Variants in LHX1 observed in about 807,000 individuals in gnomAD.
The protein encoded by LHX1 is LIM/homeobox protein Lhx1.
Under a neutral mutation model 34.1 loss-of-function variants are expected in LHX1, and 9 were observed. The ratio of observed to expected loss-of-function variants is 0.26; its 90% CI spans 0.16 to 0.46. The LOEUF (loss-of-function observed/expected upper bound fraction) is 0.46, where lower values mean the gene tolerates loss of function less well. Ranked by LOEUF, LHX1 falls within the 20% of genes least tolerant of loss-of-function variation. LHX1 has a pLI of 1.00. For missense variants in LHX1, 446 were observed against 559.1 expected (o/e 0.80, Z 2.04); for synonymous variants, 254 against 241.5 (o/e 1.05, Z -0.48).
In LHX1 at chr17:36,943,195, T is replaced by TA; in HGVS notation, c.*65dup. The TA allele has an allele frequency of 1.2e-5, 14 of 1,139,936 alleles. No individual in the cohort carries two copies. Among genetic ancestry groups the TA allele is most frequent in the South Asian group, 5.7e-5 (3 of 52,420 alleles). 70.6% of individuals were successfully genotyped at this position (1,139,936 alleles called of 1,614,324 possible). A position where few individuals can be genotyped will look rare whatever the true frequency, so the allele number is the denominator to read the frequency against. On this transcript the variant is annotated 3_prime_UTR_variant, in exon 5 of 5. Coordinates refer to ENST00000614239, the MANE Select transcript of LHX1 (RefSeq NM_005568.5). ...GAAATGAACCTTTATTTAAGAAAAA[T>TA]AGAAAAAAAAAAACATAAAAAGCAA...
At position 36,942,867 on chromosome 17, in the gene LHX1, G is replaced by C. The variant is rs757317186; in HGVS notation, c.957G>C (p.Pro319=). The change falls in exon 5 of 5, where the codon CCG becomes CCC. Residue 319 remains proline (P), a synonymous_variant. Coordinates refer to ENST00000614239, the MANE Select transcript of LHX1 (RefSeq NM_005568.5). The stretch of plus-strand genomic sequence containing the variant: ...TACCCTTCGTGCCGTCATCTGGGCC[G>C]TCCGGGACGCCCCTGGGTGGCCTGG... ...VDLPFVPSSG[P]SGTPLGGLEH... 2 of 1,592,506 alleles carry C rather than the reference G, an allele frequency of 1.3e-6. No homozygotes were observed. The highest frequency in any genetic ancestry group is 1.7e-5 in the Admixed American group (1 of 57,526).
intron 1 of LHX1, among the ~76,000 whole-genome samples, chr17:36,939,509 G>T (rs2070750409): frequency 6.6e-6 from 1 of 152,214 alleles, no homozygotes; most frequent in Non-Finnish European, 1.5e-5. Context: ...GGTATTTCGG[G>T]AGAACGCGCA....
At chr17:36,942,390 C>T in intron 4 of LHX1, 25 bp downstream of exon 4, 1 of 1,564,764 alleles carries the variant, frequency 6.4e-7, no homozygotes, top group Non-Finnish European at 8.7e-7. Flanking sequence ...AATGGCGGGG[C>T]GCGGCCAGGT....
rs2070770447 is a variant in LHX1, at chr17:36,942,299, C to A, written c.775C>A (p.Arg259=). The A allele has an allele frequency of 1.3e-6, 2 of 1,593,614 alleles. No homozygotes were observed. The highest frequency in any genetic ancestry group is 1.7e-6 in the Non-Finnish European group (2 of 1,171,724). Residue 259 remains arginine, a synonymous_variant, in exon 4 of 5, where the codon CGG becomes AGG. Coordinates refer to ENST00000614239, the MANE Select transcript of LHX1 (RefSeq NM_005568.5). ...CTTCTTCCGCAGTCCGCGCCGGATG[C>A]GGCCGCTGGTGGACCGCCTGGAGCC... ...HAFFRSPRRM[R]PLVDRLEPGE...
Position 36,937,876 on chromosome 17 carries a change from G to A in LHX1, c.-322G>A, listed in dbSNP as rs932509230. On this transcript the variant is annotated 5_prime_UTR_variant, in exon 1 of 5. Transcript: ENST00000614239. Reference sequence around the variant, plus strand: ...TTCTCGCTGACCTTCACTCCTCCGCGGGCTCTGAGCAGAAGGGTCGCATTC... The same window carrying A: ...TTCTCGCTGACCTTCACTCCTCCGCAGGCTCTGAGCAGAAGGGTCGCATTC... 1.7e-6 allele frequency: 1 copy of A among 604,706 alleles called. No individual in the cohort carries two copies. The highest frequency in any genetic ancestry group is 1.5e-5 in the South Asian group (1 of 65,026). The allele number at this position is 604,706 out of a possible 1,614,324, so 37.5% of individuals were successfully genotyped here.
chr17:36,940,259 GCCCCC>G, intron 1 of LHX1, 26 bp from the exon 2 acceptor site: 6 of 288,510 alleles, frequency 2.1e-5, no homozygotes, highest in South Asian at 7.1e-5. Context: ...ACCCATCCCC[GCCCCC>G]GCCCCCCACC....
Position 36,943,195 on chromosome 17 carries a change from T to TATA in LHX1, c.*65_*66insTAA. The TATA allele has an allele frequency of 5.8e-5, 66 of 1,139,134 alleles. No homozygotes were observed. Among genetic ancestry groups the TATA allele is most frequent in the Non-Finnish European group, 7.2e-5 (64 of 883,826 alleles). The allele number at this position is 1,139,134 out of a possible 1,614,324, so 70.6% of individuals were successfully genotyped here. A position where few individuals can be genotyped will look rare whatever the true frequency, so the allele number is the denominator to read the frequency against. On this transcript the variant is annotated 3_prime_UTR_variant, in exon 5 of 5. Transcript: ENST00000614239. ...GAAATGAACCTTTATTTAAGAAAAA[T>TATA]AGAAAAAAAAAAACATAAAAAGCAA...
intron 1 of LHX1, among the ~76,000 whole-genome samples, chr17:36,939,043 TG>T (rs2070747926): frequency 6.6e-6 from 1 of 152,158 alleles, no homozygotes; most frequent in Admixed American, 6.5e-5. Flanking sequence ...CAGCCCCAGG[TG>T]ACTCCGACTC....
At chr17:36,937,170 T>C (rs2070731179), upstream of LHX1, 1 of 448,646 alleles carries the variant, frequency 2.2e-6, no homozygotes, top group African/African-American at 2.0e-5. Flanking sequence ...AGACAGAGCG[T>C]GGGCCGAGCG....
At position 36,942,610 on chromosome 17, in the gene LHX1, C is replaced by T. The variant is rs548348928; in HGVS notation, c.842-142C>T. On this transcript the variant is annotated intron_variant, in intron 4 of 4. Coordinates refer to ENST00000614239, the MANE Select transcript of LHX1 (RefSeq NM_005568.5). Reference sequence around the variant, plus strand: ...TTGCGCCCAGCCTCCTCCCTGCACCCAGGCCCGCGAGGGCTCCCCGCGATC... The same window carrying T: ...TTGCGCCCAGCCTCCTCCCTGCACCTAGGCCCGCGAGGGCTCCCCGCGATC... 5.1e-4 allele frequency: 534 copies of T among 1,038,258 alleles called. 1 individual carries two copies. The African/African-American group carries it at 6.5e-3, about 13-fold the overall frequency. The allele number at this position is 1,038,258 out of a possible 1,614,324, so 64.3% of individuals were successfully genotyped here. A position where few individuals can be genotyped will look rare whatever the true frequency, so the allele number is the denominator to read the frequency against.
intron 1 of LHX1, chr17:36,939,967 G>C (rs1436774067): frequency 1.9e-6 from 1 of 533,894 alleles, no homozygotes; most frequent in East Asian, 3.2e-5. Flanking sequence ...TTTAGACGAT[G>C]CATCTTTCCT....
At chr17:36,939,741 G>A (rs1220536167) in intron 1 of LHX1, among the ~76,000 whole-genome samples, 1 of 152,252 alleles carries the variant, frequency 6.6e-6, no homozygotes, top group East Asian at 1.9e-4. Context: ...AGGCTACGGA[G>A]GGGGGCTCTC....
Position 36,944,062 on chromosome 17 carries a change from G to T in LHX1, c.*931G>T, listed in dbSNP as rs1318033614. Reference sequence around the variant, plus strand: ...CTTGTTCGAAAACAAAATGTTTTGAGCAATCAACCAAAATTGTTCCTTTTC... The same window carrying T: ...CTTGTTCGAAAACAAAATGTTTTGATCAATCAACCAAAATTGTTCCTTTTC... On this transcript the variant is annotated 3_prime_UTR_variant, in exon 5 of 5. Transcript: ENST00000614239. 2 of 151,956 alleles carry T rather than the reference G, an allele frequency of 1.3e-5. No individual in the cohort carries two copies. The highest frequency in any genetic ancestry group is 4.8e-5 in the African/African-American group (2 of 41,388). 9.4% of individuals were successfully genotyped at this position (151,956 alleles called of 1,614,324 possible). A position where few individuals can be genotyped will look rare whatever the true frequency, so the allele number is the denominator to read the frequency against.
rs1219093122 is a variant in LHX1 at position 36,938,333 on chromosome 17, G to C, written c.136G>C (p.Glu46Gln). Reference protein sequence around the residue: ...CNLTEKCFSREGKLYCKNDFF... With the variant: ...CNLTEKCFSRQGKLYCKNDFF... Reference sequence around the variant, plus strand: ...CCTGACCGAGAAGTGCTTCTCCAGGGAAGGCAAACTCTACTGCAAGAACGA... The same window carrying C: ...CCTGACCGAGAAGTGCTTCTCCAGGCAAGGCAAACTCTACTGCAAGAACGA... The change falls in exon 1 of 5, where the codon GAA becomes CAA. Residue 46 changes from glutamate (E) to glutamine (Q), a missense_variant. Coordinates refer to ENST00000614239, the MANE Select transcript of LHX1 (RefSeq NM_005568.5). 6.2e-7 allele frequency: 1 copy of C among 1,614,224 alleles called. No homozygotes were observed. The highest frequency in any genetic ancestry group is 2.2e-5 in the East Asian group (1 of 44,882).
At chr17:36,939,281 A>C (rs1279694424) in intron 1 of LHX1, among the ~76,000 whole-genome samples, 1 of 152,242 alleles carries the variant, frequency 6.6e-6, no homozygotes, top group Non-Finnish European at 1.5e-5. Flanking sequence ...ACAAATGCGA[A>C]TTGTAATTCC....
upstream of LHX1, chr17:36,937,085 T>C (rs940670733): frequency 1.8e-5 from 6 of 332,566 alleles, no homozygotes; most frequent in Non-Finnish European, 3.6e-5. Context: ...AACCCAGATT[T>C]GCCACCACAA....
At position 36,943,152 on chromosome 17, in the gene LHX1, G is replaced by A. The variant is rs1010693543; in HGVS notation, c.*21G>A. 1.3e-5 allele frequency: 21 copies of A among 1,611,118 alleles called. No homozygotes were observed. The highest frequency in any genetic ancestry group is 1.6e-5 in the Non-Finnish European group (19 of 1,179,368). ...GGTAGCGGGGTCTCGCACGGTCTGC[G>A]GAGTTCGTGGTTGTACAGAAATGAA... is the stretch of plus-strand genomic sequence containing the variant. On this transcript the variant is annotated 3_prime_UTR_variant, in exon 5 of 5. Coordinates refer to ENST00000614239, the MANE Select transcript of LHX1 (RefSeq NM_005568.5).
intron 1 of LHX1, chr17:36,938,785 C>T (rs1359789416): frequency 2.9e-6 from 1 of 345,062 alleles, no homozygotes; most frequent in African/African-American, 2.1e-5. Context: ...CGGCCACTAC[C>T]TTTTCCGACC....
intron 4 of LHX1, 43 bp downstream of exon 4, chr17:36,942,408 G>A: frequency 6.5e-7 from 1 of 1,547,892 alleles, no homozygotes; most frequent in Non-Finnish European, 8.7e-7. Flanking sequence ...GGTCGGGGCG[G>A]GCTTCGTTGG....
Sources: allele counts gnomAD v4.1 joint callset (sites outside exome capture counted in the v4.1 genomes callset), GRCh38; gene constraint gnomAD v4.1.1; transcripts MANE v1.5; gene names NCBI Gene and HGNC (gene_info 2026-07-23, HGNC 2026-07-21).